Variants in WBP1L observed in about 807,000 individuals in gnomAD.
The protein encoded by WBP1L is WW domain binding protein 1 like, also known as WW domain binding protein 1-like.
Under a neutral mutation model 33.7 loss-of-function variants are expected in WBP1L, and 17 were observed. The ratio of observed to expected loss-of-function variants is 0.50; its 90% CI spans 0.34 to 0.76. The LOEUF (loss-of-function observed/expected upper bound fraction) is 0.76, where lower values mean the gene tolerates loss of function less well. WBP1L is among the 30% of genes least tolerant of loss of function. The pLI, the probability that WBP1L is intolerant of heterozygous loss-of-function variation, is 0.01. For missense variants in WBP1L, 389 were observed against 469.4 expected (o/e 0.83, Z 1.58); for synonymous variants, 173 against 190.8 (o/e 0.91, Z 0.77).
In WBP1L at chr10:102,813,279, C is replaced by T; in HGVS notation, c.1040C>T (p.Thr347Ile). The T allele has an allele frequency of 6.2e-7, 1 of 1,612,874 alleles. No individual in the cohort carries two copies. Among genetic ancestry groups the T allele is most frequent in the Non-Finnish European group, 8.5e-7 (1 of 1,179,926 alleles). ...CCGCCCGCATGCCTGCTGCTGAACA[C>T]CATCAACGAGCAGGACTCTCCCAAC... is the stretch of plus-strand genomic sequence containing the variant. ...PRPPACLLLN[T>I]INEQDSPNSQ... Residue 347 changes from threonine (T) to isoleucine (I), a missense_variant, in exon 4 of 4, where the codon ACC becomes ATC. Coordinates refer to ENST00000448841, the MANE Select transcript of WBP1L (RefSeq NM_001083913.2).
chr10:102,802,234 TG>T (rs1843668161), intron 2 of WBP1L, among the ~76,000 whole-genome samples: 1 of 148,640 alleles, frequency 6.7e-6, no homozygotes, highest in Non-Finnish European at 1.5e-5. Flanking sequence ...CTTAACCTCC[TG>T]GACTCAAGGG....
chr10:102,782,504 C>T (rs888234732), intron 1 of WBP1L, among the ~76,000 whole-genome samples: 10 of 150,154 alleles, frequency 6.7e-5, no homozygotes, highest in Admixed American at 4.7e-4. Context: ...GAAATCCCTT[C>T]TTCTGCCCTA....
At chr10:102,754,270 A>G (rs1054814624) in intron 1 of WBP1L, among the ~76,000 whole-genome samples, 2 of 152,336 alleles carry the variant, frequency 1.3e-5, no homozygotes, top group Admixed American at 6.5e-5. Context: ...TAAGTTTTGC[A>G]AATCCCTTTG....
At chr10:102,752,406 G>A (rs1842932988) in intron 1 of WBP1L, among the ~76,000 whole-genome samples, 1 of 152,140 alleles carries the variant, frequency 6.6e-6, no homozygotes, top group African/African-American at 2.4e-5. Flanking sequence ...TTGATATGCC[G>A]AATCTCACTG....
rs1486650980 is a variant in WBP1L, at chr10:102,812,838, C to A, written c.599C>A (p.Pro200His). 2 of 1,583,098 alleles carry A rather than the reference C, an allele frequency of 1.3e-6. No individual in the cohort carries two copies. The highest frequency in any genetic ancestry group is 1.7e-6 in the Non-Finnish European group (2 of 1,163,202). Residue 200 changes from proline to histidine, a missense_variant, in exon 4 of 4, where the codon CCC (proline) becomes CAC (histidine). By Grantham distance (77) the Pro-to-His change is moderately conservative. Transcript: ENST00000448841. ...TRPPSIADPD[P>H]SDLPVDRAAT... ...CCCCCAAGCATCGCTGACCCTGATC[C>A]CTCTGACCTACCAGTTGACCGAGCA...
intron 2 of WBP1L, among the ~76,000 whole-genome samples, chr10:102,798,423 C>G (rs943452590): frequency 2.6e-5 from 4 of 151,832 alleles, no homozygotes; most frequent in African/African-American, 9.7e-5. Flanking sequence ...CCCAGAAGCC[C>G]AGGTTTGCCT....
chr10:102,751,240 G>A (rs1842921796), intron 1 of WBP1L, among the ~76,000 whole-genome samples: 1 of 151,998 alleles, frequency 6.6e-6, no homozygotes, highest in Non-Finnish European at 1.5e-5. Context: ...GACCTCAGGC[G>A]ATCTGCCCGA....
chr10:102,809,983 A>G lies in WBP1L; in HGVS notation c.284A>G (p.Gln95Arg). 5 of 1,614,042 alleles carry G rather than the reference A, an allele frequency of 3.1e-6. No individual in the cohort carries two copies. The highest frequency in any genetic ancestry group is 4.2e-6 in the Non-Finnish European group (5 of 1,180,024). The change falls in exon 3 of 4, where the codon CAG becomes CGG. Residue 95 changes from glutamine to arginine, a missense_variant. Coordinates refer to ENST00000448841, the MANE Select transcript of WBP1L (RefSeq NM_001083913.2). The stretch of plus-strand genomic sequence containing the variant: ...GCCAAGCACCGCCTTCAGGCCCAGC[A>G]GCGGCAACATGAAATCAACCTGATC... Reference protein sequence around the residue: ...RRAKHRLQAQQRQHEINLIAY... With the variant: ...RRAKHRLQAQRRQHEINLIAY...
At chr10:102,797,262 G>A (rs912279395) in intron 1 of WBP1L, among the ~76,000 whole-genome samples, 2 of 152,140 alleles carry the variant, frequency 1.3e-5, no homozygotes, top group Admixed American at 6.5e-5. Context: ...AATACATACC[G>A]CTTTAATTAT....
chr10:102,811,385 A>G (rs914104734), intron 3 of WBP1L, among the ~76,000 whole-genome samples: 1 of 152,128 alleles, frequency 6.6e-6, no homozygotes, highest in Admixed American at 6.5e-5. Context: ...CACTTCCCGG[A>G]CTTCCCTGGG....
At chr10:102,810,170 T>G in intron 3 of WBP1L, 116 bp downstream of exon 3, 1 of 1,341,792 alleles carries the variant, frequency 7.5e-7, no homozygotes, top group Non-Finnish European at 1.0e-6. Flanking sequence ...GTCCTCTCCC[T>G]GCCCCTCCGT....
rs978573718 is a variant in WBP1L, at chr10:102,816,180, C to T, written c.*2849C>T. 6.5e-5 allele frequency: 10 copies of T among 152,754 alleles called. No individual in the cohort carries two copies. Among genetic ancestry groups the T allele is most frequent in the South Asian group, 2.1e-4 (1 of 4,828 alleles). 9.5% of individuals were successfully genotyped at this position (152,754 alleles called of 1,614,324 possible). A position where few individuals can be genotyped will look rare whatever the true frequency, so the allele number is the denominator to read the frequency against. The stretch of plus-strand genomic sequence containing the variant: ...AGACTTTTCTGGGCAGTCTCAGTGA[C>T]GCATTTCCTGTGCTGTGATTGTTCT... On this transcript the variant is annotated 3_prime_UTR_variant, in exon 4 of 4. Coordinates refer to ENST00000448841, the MANE Select transcript of WBP1L (RefSeq NM_001083913.2).
intron 1 of WBP1L, among the ~76,000 whole-genome samples, chr10:102,768,364 G>GTTTTT (rs1436727549): frequency 2.7e-4 from 12 of 44,576 alleles, no homozygotes; most frequent in African/African-American, 1.1e-3. Context: ...CCTGGCATTA[G>GTTTTT]TTTTTTGTTT....
At chr10:102,797,549 G>A (rs1254719320) in intron 1 of WBP1L, among the ~76,000 whole-genome samples, 1 of 151,798 alleles carries the variant, frequency 6.6e-6, no homozygotes, top group Non-Finnish European at 1.5e-5. Flanking sequence ...TTGTTTGTTT[G>A]TCTTTTTTAT....
chr10:102,783,137 T>G (rs189834066), intron 1 of WBP1L, among the ~76,000 whole-genome samples: 1 of 152,132 alleles, frequency 6.6e-6, no homozygotes, highest in Non-Finnish European at 1.5e-5. Context: ...TAGGACAGGC[T>G]GGGGCGGACC....
At chr10:102,788,510 C>T (rs1233911584) in intron 1 of WBP1L, among the ~76,000 whole-genome samples, 1 of 152,092 alleles carries the variant, frequency 6.6e-6, no homozygotes, top group Non-Finnish European at 1.5e-5. Flanking sequence ...AGGACCTGGG[C>T]TTGAAAGTGC....
rs1447893417 is a variant in WBP1L at position 102,812,602 on chromosome 10, G to A, written c.363G>A (p.Leu121=). The A allele has an allele frequency of 1.3e-6, 2 of 1,575,562 alleles. No individual in the cohort carries two copies. The highest frequency in any genetic ancestry group is 2.3e-5 in the South Asian group (2 of 86,544). Residue 121 remains leucine (L), a synonymous_variant, in exon 4 of 4, where the codon TTG becomes TTA. Transcript: ENST00000448841. ...YSALPFYFRF[L]PNYLLPPYEE... ...CCTACCTCCCCATTTTAGGGTTTTTGCCAAACTATTTACTACCTCCTTATG... is the reference window on the plus strand; with the variant it reads ...CCTACCTCCCCATTTTAGGGTTTTTACCAAACTATTTACTACCTCCTTATG...
intron 1 of WBP1L, among the ~76,000 whole-genome samples, chr10:102,789,510 T>C (rs1016621384): frequency 2.0e-5 from 3 of 152,228 alleles, no homozygotes; most frequent in African/African-American, 7.2e-5. Flanking sequence ...AGGGCTCTAC[T>C]CAGATGTCAC....
intron 1 of WBP1L, among the ~76,000 whole-genome samples, chr10:102,782,922 T>C (rs1472949187): frequency 6.6e-6 from 1 of 152,160 alleles, no homozygotes; most frequent in Admixed American, 6.5e-5. Flanking sequence ...TATTTATTAT[T>C]GTTTGGTTTT....
Sources: gnomAD v4.1 joint callset for allele counts (sites outside exome capture counted in the v4.1 genomes callset) on GRCh38, gnomAD v4.1.1 for gene constraint, MANE v1.5 for transcripts, NCBI Gene and HGNC (gene_info 2026-07-23, HGNC 2026-07-21) for gene names.